Variants in FAM228A observed in about 807,000 individuals in gnomAD.
FAM228A encodes the protein protein FAM228A.
Under a neutral mutation model 18.6 loss-of-function variants are expected in FAM228A, and 13 were observed. That is an observed-to-expected ratio of 0.70 (90% CI 0.45 to 1.11). The LOEUF is 1.11. Ranked by LOEUF, FAM228A falls within the 50% of genes least tolerant of loss-of-function variation. The pLI, the probability that FAM228A is intolerant of heterozygous loss-of-function variation, is 0.00. For missense variants in FAM228A, 240 were observed against 242.2 expected (o/e 0.99, Z 0.06); for synonymous variants, 77 against 86.6 (o/e 0.89, Z 0.61).
chr2:24,183,283 A>G lies in FAM228A; in HGVS notation c.163-2A>G. ...ACTCAAAGAGTCTCATTTCTCTTGTAGGTTACAGTCCCACCATTTGTTGAT... is the reference window on the plus strand; with the variant it reads ...ACTCAAAGAGTCTCATTTCTCTTGTGGGTTACAGTCCCACCATTTGTTGAT... On this transcript the variant is annotated splice_acceptor_variant, in intron 3 of 5. Transcript: ENST00000295150. LOFTEE classifies it high-confidence loss of function. 6.2e-7 allele frequency: 1 copy of G among 1,608,560 alleles called. No homozygotes were observed. Among genetic ancestry groups the G allele is most frequent in the Non-Finnish European group, 8.5e-7 (1 of 1,174,984 alleles).
chr2:24,182,564 CAT>C (rs1667840979), intron 3 of FAM228A, among the ~76,000 whole-genome samples: 1 of 152,160 alleles, frequency 6.6e-6, no homozygotes, highest in African/African-American at 2.4e-5. Flanking sequence ...GACACAAACT[CAT>C]AGCTCTGGTC....
At chr2:24,185,883 A>G (rs1490190344) in intron 5 of FAM228A, among the ~76,000 whole-genome samples, 1 of 152,110 alleles carries the variant, frequency 6.6e-6, no homozygotes, top group Non-Finnish European at 1.5e-5. Context: ...ATTATTATAT[A>G]TAATTTCATT....
intron 3 of FAM228A, among the ~76,000 whole-genome samples, chr2:24,182,842 C>T (rs1371895076): frequency 1.3e-5 from 2 of 152,206 alleles, no homozygotes; most frequent in Admixed American, 6.5e-5. Flanking sequence ...AACAGAAGTG[C>T]GTCTCTTCTA....
chr2:24,175,970 C>T (rs1289485473), intron 2 of FAM228A: 2 of 1,021,476 alleles, frequency 2.0e-6, no homozygotes, highest in East Asian at 1.0e-4. Context: ...TTCTTTTTCC[C>T]CTTTTGCCCT....
chr2:24,178,304 G>A (rs964289178), intron 3 of FAM228A, among the ~76,000 whole-genome samples: 8 of 152,170 alleles, frequency 5.3e-5, no homozygotes, highest in African/African-American at 1.7e-4. Context: ...TGAGAGAGAC[G>A]GAGTTATAAT....
intron 1 of FAM228A, 97 bp from the exon 2 acceptor site, chr2:24,175,370 A>G (rs1362705376): frequency 3.3e-5 from 29 of 871,284 alleles, no homozygotes; most frequent in Non-Finnish European, 4.5e-5. Context: ...GCTTTTAGAA[A>G]GGGGCCGAGC....
At chr2:24,177,626 C>T (rs1667722174) in intron 2 of FAM228A, among the ~76,000 whole-genome samples, 176 bp from the exon 3 acceptor site, 1 of 151,924 alleles carries the variant, frequency 6.6e-6, no homozygotes. Flanking sequence ...TGGAATTAAT[C>T]ACTCGAGCCT....
At chr2:24,182,487 A>G (rs1667838571) in intron 3 of FAM228A, among the ~76,000 whole-genome samples, 1 of 152,138 alleles carries the variant, frequency 6.6e-6, no homozygotes, top group South Asian at 2.1e-4. Flanking sequence ...GAGGGGAAAA[A>G]TAGTCCCTCT....
chr2:24,175,422 C>G, intron 1 of FAM228A, 45 bp from the exon 2 acceptor site: 2 of 1,415,928 alleles, frequency 1.4e-6, no homozygotes, highest in Non-Finnish European at 2.0e-6. Context: ...TGGCTCTCAA[C>G]GGTAACCGTC....
In FAM228A at chr2:24,183,527, A is replaced by T; in HGVS notation, c.283A>T (p.Ile95Leu). ...ACATTCCATAAAAGAACTTGAAGAAATAGAGAAGGCCAGGCTGCATGCCAG... is the reference window on the plus strand; with the variant it reads ...ACATTCCATAAAAGAACTTGAAGAATTAGAGAAGGCCAGGCTGCATGCCAG... ...KRHSIKELEE[I>L]EKARLHASSP... Residue 95 changes from isoleucine (I) to leucine (L), a missense_variant, in exon 5 of 6, where the codon ATA becomes TTA. Ile to Leu is a conservative substitution (Grantham distance 5, BLOSUM62 2). Transcript: ENST00000295150. The T allele has an allele frequency of 6.2e-7, 1 of 1,612,674 alleles. No homozygotes were observed. Among genetic ancestry groups the T allele is most frequent in the Non-Finnish European group, 8.5e-7 (1 of 1,179,556 alleles).
intron 3 of FAM228A, 29 bp downstream of exon 3, chr2:24,177,899 C>T (rs781626961): frequency 7.4e-6 from 11 of 1,480,784 alleles, no homozygotes; most frequent in Non-Finnish European, 9.4e-6. Flanking sequence ...CTGCATTCTA[C>T]ATATGTTCTA....
At chr2:24,181,965 C>T (rs1354985573) in intron 3 of FAM228A, among the ~76,000 whole-genome samples, 1 of 152,156 alleles carries the variant, frequency 6.6e-6, no homozygotes, top group Non-Finnish European at 1.5e-5. Context: ...ATTCAGCAAA[C>T]TTGAAGCACA....
rs538957942 is a variant in FAM228A at position 24,177,046 on chromosome 2, G to A, written c.94-756G>A. Among the ~76,000 whole-genome samples, 16 of 152,328 alleles carry A rather than the reference G, an allele frequency of 1.1e-4. 1 individual carries two copies. The highest frequency in any genetic ancestry group is 3.6e-4 in the African/African-American group (15 of 41,560). Reference sequence around the variant, plus strand: ...GGAGGCCATGAGCTCTCACTAATTAGCTCTGAGATTCTGGACCAGTTGAAC... The same window carrying A: ...GGAGGCCATGAGCTCTCACTAATTAACTCTGAGATTCTGGACCAGTTGAAC... On this transcript the variant is annotated intron_variant, in intron 2 of 5. Transcript: ENST00000295150.
At chr2:24,188,149 T>C (rs2151048646) in intron 5 of FAM228A, among the ~76,000 whole-genome samples, 1 of 152,336 alleles carries the variant, frequency 6.6e-6, no homozygotes, top group South Asian at 2.1e-4. Context: ...CTTTCCATGT[T>C]TGGTTCCAGA....
At chr2:24,182,635 A>C (rs910158457) in intron 3 of FAM228A, among the ~76,000 whole-genome samples, 2 of 152,026 alleles carry the variant, frequency 1.3e-5, no homozygotes, top group Admixed American at 6.5e-5. Flanking sequence ...CCTAGGAGGC[A>C]TGCGTCCTCC....
At chr2:24,186,723 C>G (rs918386715) in intron 5 of FAM228A, among the ~76,000 whole-genome samples, 8 of 152,126 alleles carry the variant, frequency 5.3e-5, no homozygotes, top group African/African-American at 1.9e-4. Flanking sequence ...ACTGCACCCT[C>G]TGCCTCTCAA....
intron 5 of FAM228A, 42 bp from the exon 6 acceptor site, chr2:24,190,370 T>A: frequency 6.5e-7 from 1 of 1,543,260 alleles, no homozygotes; most frequent in South Asian, 1.3e-5. Flanking sequence ...TACAATTCCA[T>A]CTGTGCTGAA....
chr2:24,180,660 A>C (rs1257617790), intron 3 of FAM228A, among the ~76,000 whole-genome samples: 4 of 152,222 alleles, frequency 2.6e-5, no homozygotes, highest in Non-Finnish European at 5.9e-5. Context: ...GTTGAAGTCC[A>C]AGTAATTTTA....
intron 2 of FAM228A, chr2:24,175,966 T>A (rs1667675429): frequency 2.7e-5 from 28 of 1,023,068 alleles, no homozygotes; most frequent in Non-Finnish European, 3.2e-5. Context: ...TCCTTTCTTT[T>A]TCCCCTTTTG....
Sources: gnomAD v4.1 joint callset for allele counts (sites outside exome capture counted in the v4.1 genomes callset) on GRCh38, gnomAD v4.1.1 for gene constraint, MANE v1.5 for transcripts, NCBI Gene and HGNC (gene_info 2026-07-23, HGNC 2026-07-21) for gene names.